Variants in SRP72 observed in about 807,000 individuals in gnomAD.
The protein encoded by SRP72 is signal recognition particle subunit SRP72.
SRP72 carries 49 observed loss-of-function variants against 96.3 expected under a neutral mutation model. The observed-to-expected ratio is 0.51, with a 90% CI of 0.40 to 0.65. The LOEUF is 0.65. Among genes scored for constraint, SRP72 ranks in the 30% least tolerant of loss-of-function variants. The pLI, the probability that SRP72 is intolerant of heterozygous loss-of-function variation, is 0.00. For missense variants in SRP72, 736 were observed against 793.3 expected (o/e 0.93, Z 0.87); for synonymous variants, 267 against 275.2 (o/e 0.97, Z 0.30).
rs1398327107 is a variant in SRP72 at position 56,486,260 on chromosome 4, G to A, written c.1087-65G>A. The A allele has an allele frequency of 6.0e-6, 7 of 1,158,020 alleles. No homozygotes were observed. The Admixed American group carries it at 6.8e-5, about 11-fold the overall frequency. 71.7% of individuals were successfully genotyped at this position (1,158,020 alleles called of 1,614,324 possible). Reference sequence around the variant, plus strand: ...TAAAATCTTATGTAGCTAAGTAATTGTAATGTATACAATTAGTTGTGTAAA... The same window carrying A: ...TAAAATCTTATGTAGCTAAGTAATTATAATGTATACAATTAGTTGTGTAAA... On this transcript the variant is annotated intron_variant, in intron 10 of 18. Transcript: ENST00000642900.
In SRP72 at chr4:56,483,186, G is replaced by A. The variant is rs138988524; in HGVS notation, c.873G>A (p.Ala291=). ...DSKKKVKLTN[A]EGVEFKLSKK... is the part of the protein sequence containing the mutation. ...AGAAGAAAGTGAAATTAACCAATGCGGAAGGAGTAGAGTTTAAGCTTTCCA... is the reference window on the plus strand; with the variant it reads ...AGAAGAAAGTGAAATTAACCAATGCAGAAGGAGTAGAGTTTAAGCTTTCCA... The change falls in exon 9 of 19, where the codon GCG becomes GCA. Residue 291 remains alanine, a synonymous_variant. Transcript: ENST00000642900. The A allele has an allele frequency of 4.7e-5, 76 of 1,611,742 alleles. No individual in the cohort carries two copies. In the African/African-American group the frequency reaches 8.5e-4, roughly 18 times the overall value.
At position 56,471,811 on chromosome 4, in the gene SRP72, A is replaced by G. The variant is rs770429726; in HGVS notation, c.322A>G (p.Thr108Ala). The G allele has an allele frequency of 1.9e-6, 3 of 1,614,086 alleles. No homozygotes were observed. Among genetic ancestry groups the G allele is most frequent in the East Asian group, 4.5e-5 (2 of 44,862 alleles). Residue 108 changes from threonine (T) to alanine (A), a missense_variant, in exon 3 of 19, where the codon ACA becomes GCA. Physicochemically the swap from Thr to Ala is moderately conservative, Grantham distance 58. This residue lies in a region of SRP72 where 329 missense variants were observed against 319.0 expected (regional missense o/e 1.03). Transcript: ENST00000642900. Reference sequence around the variant, plus strand: ...GACAATAGAAAGTGCCAACCAGCAGACAGACAAACTGAAGGAGCTTTATGG... The same window carrying G: ...GACAATAGAAAGTGCCAACCAGCAGGCAGACAAACTGAAGGAGCTTTATGG... Reference protein sequence around the residue: ...LKTIESANQQTDKLKELYGQV... With the variant: ...LKTIESANQQADKLKELYGQV...
intron 8 of SRP72, among the ~76,000 whole-genome samples, chr4:56,481,287 C>T (rs1386271060): frequency 6.6e-6 from 1 of 152,124 alleles, no homozygotes; most frequent in Non-Finnish European, 1.5e-5. Context: ...TTTAAAAAAG[C>T]ACAGTGGTAT....
At position 56,491,006 on chromosome 4, in the gene SRP72, A is replaced by G. The variant is rs1405867650; in HGVS notation, c.1502+361A>G. Among the ~76,000 whole-genome samples, 4 of 152,280 alleles carry G rather than the reference A, an allele frequency of 2.6e-5. No individual in the cohort carries two copies. In the East Asian group the frequency reaches 5.8e-4, roughly 22 times the overall value. The stretch of plus-strand genomic sequence containing the variant: ...CTACTTAGGTCACTTGCTTATCTCA[A>G]ATAGTTACCTGATAAGCGAATTTGG... On this transcript the variant is annotated intron_variant, in intron 15 of 18. Coordinates refer to ENST00000642900, the MANE Select transcript of SRP72 (RefSeq NM_006947.4).
chr4:56,489,084 A>G, intron 12 of SRP72: 1 of 223,802 alleles, frequency 4.5e-6, no homozygotes, highest in Non-Finnish European at 8.8e-6. Context: ...GCAGTGTCTT[A>G]TTGTAGAAAC....
In SRP72 at chr4:56,485,855, C is replaced by A. The variant is rs567226068; in HGVS notation, c.1087-470C>A. Among the ~76,000 whole-genome samples the A allele has an allele frequency of 4.6e-5, 7 of 152,214 alleles. No individual in the cohort carries two copies. In the South Asian group the frequency reaches 1.5e-3, roughly 32 times the overall value. ...AATGTATGACTGCCTCTGTACTGAACATATACAAACTTTAAAAATCATTAC... is the reference window on the plus strand; with the variant it reads ...AATGTATGACTGCCTCTGTACTGAAAATATACAAACTTTAAAAATCATTAC... On this transcript the variant is annotated intron_variant, in intron 10 of 18. Transcript: ENST00000642900.
chr4:56,477,421 C>T (rs1720289538), intron 6 of SRP72, among the ~76,000 whole-genome samples: 1 of 150,832 alleles, frequency 6.6e-6, no homozygotes, highest in Admixed American at 6.7e-5. Context: ...CCTCTCACCA[C>T]AGCCTCCTGA....
Position 56,486,311 on chromosome 4 carries a change from CTA to C in SRP72, c.1087-13_1087-12del, listed in dbSNP as rs1720708160. 2 of 1,586,526 alleles carry C rather than the reference CTA, an allele frequency of 1.3e-6. No individual in the cohort carries two copies. Among genetic ancestry groups the C allele is most frequent in the Non-Finnish European group, 1.7e-6 (2 of 1,163,490 alleles). On this transcript the variant is annotated splice_polypyrimidine_tract_variant and intron_variant, in intron 10 of 18. Coordinates refer to ENST00000642900, the MANE Select transcript of SRP72 (RefSeq NM_006947.4). The stretch of plus-strand genomic sequence containing the variant: ...TTAAATGTGATTTTTTTCCCCCAAA[CTA>C]AAAAAATTTAGGAATTTTCAGATCA...
At chr4:56,495,564 A>G (rs1326629029) in intron 17 of SRP72, among the ~76,000 whole-genome samples, 170 bp downstream of exon 17, 1 of 152,216 alleles carries the variant, frequency 6.6e-6, no homozygotes, top group African/African-American at 2.4e-5. Flanking sequence ...AAAGATCGCA[A>G]TTCACTAGTT....
chr4:56,484,051 T>TTTTTTTTTTC (rs1560682047), intron 9 of SRP72, among the ~76,000 whole-genome samples: 1 of 142,716 alleles, frequency 7.0e-6, no homozygotes, highest in African/African-American at 2.6e-5. Context: ...TTTTTTTTTT[T>TTTTTTTTTTC]GAGATGGAGT....
At chr4:56,483,387 TA>T in intron 9 of SRP72, 117 bp downstream of exon 9, 1 of 1,045,268 alleles carries the variant, frequency 9.6e-7, no homozygotes, top group South Asian at 1.6e-5. Context: ...CTTCAACTCA[TA>T]AATATATTTT....
chr4:56,469,691 T>C lies in SRP72; in HGVS notation c.148T>C (p.Cys50Arg), dbSNP rs769272452. 1 of 1,612,112 alleles carries C rather than the reference T, an allele frequency of 6.2e-7. No individual in the cohort carries two copies. The highest frequency in any genetic ancestry group is 8.5e-7 in the Non-Finnish European group (1 of 1,178,550). Residue 50 changes from cysteine (C) to arginine (R), a missense_variant, in exon 2 of 19, where the codon TGT becomes CGT. Coordinates refer to ENST00000642900, the MANE Select transcript of SRP72 (RefSeq NM_006947.4). Reference sequence around the variant, plus strand: ...CAAAGATGACGTAACTGCCCTGCATTGTAAAGTGGTATGCCTTATCCAGAA... The same window carrying C: ...CAAAGATGACGTAACTGCCCTGCATCGTAAAGTGGTATGCCTTATCCAGAA... ...INKDDVTALHCKVVCLIQNGS... is the reference protein window; with the variant it reads ...INKDDVTALHRKVVCLIQNGS...
rs948030528 is a variant in SRP72, at chr4:56,473,934, G to A, written c.355-120G>A. On this transcript the variant is annotated intron_variant, in intron 3 of 18. Transcript: ENST00000642900. The stretch of plus-strand genomic sequence containing the variant: ...TAAAAATTATAAAACATAAACAGTT[G>A]ATTGTTCATGTTATGCTGAACTAGG... 3.4e-6 allele frequency: 3 copies of A among 892,058 alleles called. No homozygotes were observed. In the African/African-American group the frequency reaches 5.1e-5, roughly 15 times the overall value. 55.3% of individuals were successfully genotyped at this position (892,058 alleles called of 1,614,324 possible). A position where few individuals can be genotyped will look rare whatever the true frequency, so the allele number is the denominator to read the frequency against.
chr4:56,480,704 G>A (rs1001475595), intron 8 of SRP72, among the ~76,000 whole-genome samples: 11 of 152,178 alleles, frequency 7.2e-5, no homozygotes, highest in Non-Finnish European at 1.3e-4. Flanking sequence ...AGTACTGGAT[G>A]CAATAGGTAA....
chr4:56,471,943 T>G (rs1719995387), intron 3 of SRP72, 100 bp downstream of exon 3: 10 of 1,425,880 alleles, frequency 7.0e-6, no homozygotes, highest in Non-Finnish European at 8.6e-6. Context: ...ATCCTGATGC[T>G]CCACAAAACT....
rs1256306345 is a variant in SRP72 at position 56,486,335 on chromosome 4, A to G, written c.1097A>G (p.Asp366Gly). 9 of 1,605,134 alleles carry G rather than the reference A, an allele frequency of 5.6e-6. No homozygotes were observed. The highest frequency in any genetic ancestry group is 7.7e-6 in the Non-Finnish European group (9 of 1,174,544). ...KAIELLQEFS[D>G]QHPENAAEIK... ...ACTAAAAAAATTTAGGAATTTTCAG[A>G]TCAGCATCCAGAAAATGCAGCTGAA... The change falls in exon 11 of 19, where the codon GAT (aspartate) becomes GGT (glycine). Residue 366 changes from aspartate to glycine, a missense_variant. Physicochemically the swap from Asp to Gly is moderately conservative, Grantham distance 94 (BLOSUM62 -1). Transcript: ENST00000642900.
chr4:56,490,201 A>G, intron 13 of SRP72, 132 bp from the exon 14 acceptor site: 1 of 656,226 alleles, frequency 1.5e-6, no homozygotes, highest in South Asian at 2.2e-5. Flanking sequence ...TTGTTGTTTC[A>G]GGCATTCAGT....
chr4:56,476,554 G>A (rs1720229578), intron 5 of SRP72, 117 bp from the exon 6 acceptor site: 2 of 1,060,290 alleles, frequency 1.9e-6, no homozygotes, highest in East Asian at 2.5e-5. Context: ...ACAACTGCTT[G>A]TTACTACGAT....
In SRP72 at chr4:56,471,783, G is replaced by A. The variant is rs145137299; in HGVS notation, c.294G>A (p.Leu98=). The change falls in exon 3 of 19, where the codon TTG becomes TTA. Residue 98 remains leucine, a synonymous_variant. Transcript: ENST00000642900. ...EYRLNRIENA[L]KTIESANQQT... is the part of the protein sequence containing the mutation. ...GGCTGAACAGAATTGAGAATGCCTT[G>A]AAGACAATAGAAAGTGCCAACCAGC... The A allele has an allele frequency of 3.6e-5, 58 of 1,613,906 alleles. No homozygotes were observed. In the African/African-American group the frequency reaches 6.8e-4, roughly 19 times the overall value.
Sources: allele counts gnomAD v4.1 joint callset (sites outside exome capture counted in the v4.1 genomes callset), GRCh38; gene constraint gnomAD v4.1.1; regional missense constraint gnomAD v4.1.1; transcripts MANE v1.5; gene names NCBI Gene and HGNC (gene_info 2026-07-23, HGNC 2026-07-21).